The following SIGIRR variants were observed in gnomAD, a reference collection of about 807,000 sequenced individuals.
SIGIRR encodes single Ig and TIR domain containing.
A neutral mutation model predicts 45.6 loss-of-function variants in SIGIRR; 41 were observed. The observed-to-expected ratio is 0.90, with a 90% CI of 0.70 to 1.17. The LOEUF (loss-of-function observed/expected upper bound fraction) is 1.17, where lower values mean the gene tolerates loss of function less well. SIGIRR is among the 50% of genes most tolerant of loss of function. The pLI is 0.00. For synonymous variants in SIGIRR, 298 were observed against 239.0 expected, an observed-to-expected ratio of 1.25 and a Z score of -2.28; for missense variants, 599 against 539.6, an observed-to-expected ratio of 1.11 and a Z score of -1.09.
intron 3 of SIGIRR, 132 bp downstream of exon 3, chr11:408,563 C>T (rs1847456142): frequency 1.1e-5 from 12 of 1,078,730 alleles, no homozygotes; most frequent in Non-Finnish European, 1.5e-5. Flanking sequence ...GACCCTCCGT[C>T]TGGGTCCACA....
upstream of SIGIRR, among the ~76,000 whole-genome samples, chr11:416,217 GAGCAGGGCCTCC>G (rs1847876508): frequency 6.6e-6 from 1 of 152,136 alleles, no homozygotes; most frequent in East Asian, 1.9e-4. The surrounding 1 kb of genome is among the most constrained non-coding windows in gnomAD (Gnocchi z 9.1). Context: ...CAGGAAGCAG[GAGCAGGGCCTCC>G]AGCACAGGCC....
intron 1 of SIGIRR, among the ~76,000 whole-genome samples, chr11:413,118 TG>T (rs1847747100): frequency 2.0e-5 from 3 of 152,208 alleles, no homozygotes; most frequent in Admixed American, 1.3e-4. Flanking sequence ...AGTGGGGATG[TG>T]GGGATCAAGC....
chr11:407,499 A>T lies in SIGIRR; in HGVS notation c.551T>A (p.Ile184Asn). ...ACGCCGCTCCAGCTGCGGCTTTAGGATGAAGTTCACGAACTTGCGGTCCTC... is the reference window on the plus strand; with the variant it reads ...ACGCCGCTCCAGCTGCGGCTTTAGGTTGAAGTTCACGAACTTGCGGTCCTC... ...CPEDRKFVNF[I>N]LKPQLERRRG... Residue 184 changes from isoleucine (I) to asparagine (N), a missense_variant, in exon 6 of 10, where the codon ATC (isoleucine) becomes AAC (asparagine). Physicochemically the swap from Ile to Asn is moderately radical, Grantham distance 149 (BLOSUM62 -3). Coordinates refer to ENST00000431843, the MANE Select transcript of SIGIRR (RefSeq NM_001135054.2). 2 of 1,603,702 alleles carry T rather than the reference A, an allele frequency of 1.2e-6. 1 individual carries two copies. The highest frequency in any genetic ancestry group is 2.2e-5 in the South Asian group (2 of 89,606).
At chr11:417,237 C>G (rs1212187613), upstream of SIGIRR, 1 of 152,264 alleles carries the variant, frequency 6.6e-6, no homozygotes, top group Non-Finnish European at 1.5e-5. This position sits in a 1 kb window ranked among gnomAD's most constrained non-coding sequence, Gnocchi z 4.2. Flanking sequence ...CAAGCAGCGC[C>G]CCGGGCCCCG....
At chr11:407,196 G>A (rs1847362375) in intron 6 of SIGIRR, 32 bp from the exon 7 acceptor site, 6 of 1,044,910 alleles carry the variant, frequency 5.7e-6, no homozygotes. Flanking sequence ...CGGCGCAGGG[G>A]CGGGGGCGGG....
chr11:407,981 C>T lies in SIGIRR; in HGVS notation c.341-24G>A, dbSNP rs773658161. ...GCCTGCGGATGGGTTGCCTGAGCCG[C>T]TGCCCCTCCAGCAGCCCCCAAGCCT... On this transcript the variant is annotated intron_variant, in intron 4 of 9. Transcript: ENST00000431843. 12 of 1,601,550 alleles carry T rather than the reference C, an allele frequency of 7.5e-6. No homozygotes were observed. In the Admixed American group the frequency reaches 2.0e-4, roughly 27 times the overall value.
In SIGIRR at chr11:407,837, T is replaced by A; in HGVS notation, c.461A>T (p.Tyr154Phe). The change falls in exon 5 of 10, where the codon TAT (tyrosine) becomes TTT (phenylalanine). Residue 154 changes from tyrosine (Y) to phenylalanine (F), a missense_variant. Coordinates refer to ENST00000431843, the MANE Select transcript of SIGIRR (RefSeq NM_001135054.2). ...CGCACCGTTTATCTCCACCTCCCCATACGCGTCCTGGTACCAGAGCAGCAC... is the reference window on the plus strand; with the variant it reads ...CGCACCGTTTATCTCCACCTCCCCAAACGCGTCCTGGTACCAGAGCAGCAC... ...LNVLLWYQDA[Y>F]GEVEINDGKL... The A allele has an allele frequency of 6.2e-7, 1 of 1,612,504 alleles. No individual in the cohort carries two copies.
At chr11:414,617 C>T (rs769959243) in intron 1 of SIGIRR, among the ~76,000 whole-genome samples, 2 of 152,188 alleles carry the variant, frequency 1.3e-5, no homozygotes, top group Non-Finnish European at 2.9e-5. Context: ...ACGCTTGTCA[C>T]AGAGCCTAGG....
chr11:411,314 G>A (rs1159739665), intron 1 of SIGIRR, among the ~76,000 whole-genome samples: 1 of 19,752 alleles, frequency 5.1e-5, no homozygotes. Context: ...GGATACAGTC[G>A]GGGAGGGGTG....
At chr11:409,747 C>G in intron 2 of SIGIRR, 121 bp downstream of exon 2, 1 of 1,152,564 alleles carries the variant, frequency 8.7e-7, no homozygotes, top group Non-Finnish European at 1.1e-6. Context: ...GGCCTTTGTA[C>G]CCCCGGCATG....
chr11:407,335 G>A (rs1324017288), intron 6 of SIGIRR, 90 bp downstream of exon 6: 4 of 1,137,596 alleles, frequency 3.5e-6, no homozygotes, highest in East Asian at 2.9e-5. Flanking sequence ...GAGCTCGATG[G>A]TGGGGGTGGG....
rs376128512 is a variant in SIGIRR, at chr11:407,973, C to A, written c.341-16G>T. 1.7e-5 allele frequency: 28 copies of A among 1,601,916 alleles called. No homozygotes were observed. Among genetic ancestry groups the A allele is most frequent in the Non-Finnish European group, 2.4e-5 (28 of 1,173,428 alleles). ...CTTGTAGGGCCTGCGGATGGGTTGC[C>A]TGAGCCGCTGCCCCTCCAGCAGCCC... On this transcript the variant is annotated splice_polypyrimidine_tract_variant and intron_variant, in intron 4 of 9. Transcript: ENST00000431843.
At chr11:407,333 T>A in intron 6 of SIGIRR, 92 bp downstream of exon 6, 1 of 907,134 alleles carries the variant, frequency 1.1e-6, no homozygotes. Flanking sequence ...CGGAGCTCGA[T>A]GGTGGGGGTG....
In SIGIRR at chr11:406,393, C is replaced by G. The variant is rs1847302416; in HGVS notation, c.1025G>C (p.Arg342Pro). Reference protein sequence around the residue: ...LILRGRVPEGRALDSEVDPDP... With the variant: ...LILRGRVPEGPALDSEVDPDP... ...CGGGTCCACCTCTGAGTCCAGGGCC[C>G]GGCCCTCAGGGACTCGGCCTCGAAG... is the stretch of plus-strand genomic sequence containing the variant. Residue 342 changes from arginine to proline, a missense_variant, in exon 9 of 10, where the codon CGG becomes CCG. Transcript: ENST00000431843. 3 of 1,612,686 alleles carry G rather than the reference C, an allele frequency of 1.9e-6. No homozygotes were observed. The highest frequency in any genetic ancestry group is 3.3e-4 in the Middle Eastern group (2 of 6,060).
intron 2 of SIGIRR, 147 bp from the exon 3 acceptor site, chr11:409,040 T>G (rs1847477145): frequency 1.4e-6 from 1 of 720,722 alleles, no homozygotes; most frequent in Non-Finnish European, 2.4e-6. Context: ...GGGGACAGGC[T>G]TAGCACTTGG....
Position 408,629 on chromosome 11 carries a change from C to T in SIGIRR, c.206+66G>A. ...GGTGGTTACAGACCCAGGCATAGGT[C>T]AGGGAGACCACTGCCCTTGGCATGT... is the stretch of plus-strand genomic sequence containing the variant. On this transcript the variant is annotated intron_variant, in intron 3 of 9. Transcript: ENST00000431843. 3.2e-6 allele frequency: 5 copies of T among 1,584,262 alleles called. No individual in the cohort carries two copies. The South Asian group carries it at 5.5e-5, about 18-fold the overall frequency.
chr11:409,328 C>A, intron 2 of SIGIRR: 1 of 325,216 alleles, frequency 3.1e-6, no homozygotes, highest in South Asian at 2.8e-5. Flanking sequence ...GTGTGGGCAC[C>A]AGTGGGTTTG....
rs1847510976 is a variant in SIGIRR, at chr11:409,938, C to G, written c.-64G>C. 1 of 1,264,228 alleles carries G rather than the reference C, an allele frequency of 7.9e-7. No homozygotes were observed. The highest frequency in any genetic ancestry group is 1.0e-6 in the Non-Finnish European group (1 of 999,226). 78.3% of individuals were successfully genotyped at this position (1,264,228 alleles called of 1,614,324 possible). On this transcript the variant is annotated 5_prime_UTR_variant, in exon 2 of 10. Coordinates refer to ENST00000431843, the MANE Select transcript of SIGIRR (RefSeq NM_001135054.2). ...CAGGGTCACCCCTGGCTCCACCGGG[C>G]TCCTCGGCCAGCAGACTGATCCAAG...
intron 1 of SIGIRR, among the ~76,000 whole-genome samples, chr11:410,622 G>GC (rs1564892102): frequency 1.9e-5 from 1 of 52,386 alleles, no homozygotes; most frequent in Non-Finnish European, 4.0e-5. Context: ...ATGCAGTCGG[G>GC]GGGGGGGGGT....
Sources: gnomAD v4.1 joint callset for allele counts (sites outside exome capture counted in the v4.1 genomes callset) on GRCh38, gnomAD v4.1.1 for gene constraint, Gnocchi (gnomAD v3.1) non-coding constraint, MANE v1.5 for transcripts, NCBI Gene and HGNC (gene_info 2026-07-23, HGNC 2026-07-21) for gene names.